Variants in CPXM2 observed in about 807,000 individuals in gnomAD.
CPXM2 encodes carboxypeptidase X, M14 family member 2.
Under a neutral mutation model 86.1 loss-of-function variants are expected in CPXM2, and 66 were observed. The observed-to-expected ratio is 0.77, with a 90% CI of 0.63 to 0.94. The LOEUF is 0.94. Ranked by LOEUF, CPXM2 falls within the 40% of genes least tolerant of loss-of-function variation. The pLI, the probability that CPXM2 is intolerant of heterozygous loss-of-function variation, is 0.00. For missense variants in CPXM2, 948 were observed against 1,026.3 expected (o/e 0.92, Z 1.04); for synonymous variants, 388 against 400.2 (o/e 0.97, Z 0.36).
chr10:123,920,459 A>C (rs929467147), intron 2 of CPXM2, among the ~76,000 whole-genome samples: 15 of 152,230 alleles, frequency 9.9e-5, no homozygotes, highest in African/African-American at 3.4e-4. Flanking sequence ...TCTAATGTTT[A>C]AAAAATCATG....
At chr10:123,897,718 G>T (rs762489602) in intron 2 of CPXM2, among the ~76,000 whole-genome samples, 1 of 152,182 alleles carries the variant, frequency 6.6e-6, no homozygotes, top group South Asian at 2.1e-4. Flanking sequence ...AATGCATGAA[G>T]CCCGAAAGAC....
chr10:123,904,157 G>A (rs1365059165), intron 2 of CPXM2, among the ~76,000 whole-genome samples: 3 of 152,124 alleles, frequency 2.0e-5, no homozygotes, highest in Non-Finnish European at 2.9e-5. Context: ...TTCTATATCA[G>A]CTTAAATGTT....
intron 12 of CPXM2, among the ~76,000 whole-genome samples, chr10:123,756,173 AC>A (rs1290116881): frequency 1.3e-5 from 2 of 152,192 alleles, no homozygotes; most frequent in Non-Finnish European, 2.9e-5. Context: ...TGGAAGGGGA[AC>A]CTTGTGTCCA....
At chr10:123,866,376 C>T (rs552897510) in intron 2 of CPXM2, among the ~76,000 whole-genome samples, 153 of 146,354 alleles carry the variant, frequency 1.0e-3, no homozygotes, top group African/African-American at 3.9e-3. Flanking sequence ...CCAGCCTGGC[C>T]GATATGGTGA....
chr10:123,824,720 T>C (rs1848010735), intron 4 of CPXM2, among the ~76,000 whole-genome samples: 1 of 152,210 alleles, frequency 6.6e-6, no homozygotes, highest in Non-Finnish European at 1.5e-5. Context: ...GTGGTTGTGG[T>C]TCTCTGTAGC....
At chr10:123,788,536 C>T (rs1847124462) in intron 6 of CPXM2, among the ~76,000 whole-genome samples, 1 of 152,162 alleles carries the variant, frequency 6.6e-6, no homozygotes, top group African/African-American at 2.4e-5. Flanking sequence ...TAGCATGAAC[C>T]CTTCACCCTT....
intron 2 of CPXM2, among the ~76,000 whole-genome samples, chr10:123,863,653 G>A (rs375668867): frequency 5.3e-5 from 8 of 152,262 alleles, no homozygotes; most frequent in South Asian, 4.1e-4. Flanking sequence ...ATCCTCACAC[G>A]ACATACTCAG....
intron 6 of CPXM2, among the ~76,000 whole-genome samples, chr10:123,789,214 C>T (rs190860482): frequency 6.4e-4 from 97 of 152,350 alleles, no homozygotes; most frequent in Non-Finnish European, 1.2e-3. Context: ...TGCGGACCCC[C>T]AGGCACAGCC....
At chr10:123,861,339 G>A (rs191583671) in intron 3 of CPXM2, among the ~76,000 whole-genome samples, 3 of 152,286 alleles carry the variant, frequency 2.0e-5, no homozygotes, top group Non-Finnish European at 4.4e-5. Flanking sequence ...CCATTAGAGA[G>A]CCACACAGGA....
In CPXM2 at chr10:123,816,839, A is replaced by G. The variant is rs541200207; in HGVS notation, c.654-17640T>C. On this transcript the variant is annotated intron_variant, in intron 4 of 13. Transcript: ENST00000241305. ...GAGATCTTGATCGCTTTTCACTTCC[A>G]CAAGATATCACATTGATCCATTACA... 5.9e-5 allele frequency among the ~76,000 whole-genome samples: 9 copies of G among 152,332 alleles called. No individual in the cohort carries two copies. The South Asian group carries it at 1.7e-3, about 28-fold the overall frequency.
At chr10:123,845,131 G>C (rs1281171438) in intron 3 of CPXM2, among the ~76,000 whole-genome samples, 1 of 151,036 alleles carries the variant, frequency 6.6e-6, no homozygotes, top group Non-Finnish European at 1.5e-5. Context: ...CAGAGGACCT[G>C]AAATTTTTCT....
At chr10:123,824,715 T>G (rs1848010578) in intron 4 of CPXM2, among the ~76,000 whole-genome samples, 1 of 152,244 alleles carries the variant, frequency 6.6e-6, no homozygotes, top group Admixed American at 6.5e-5. Context: ...CTCCAGTGGT[T>G]GTGGTTCTCT....
intron 4 of CPXM2, among the ~76,000 whole-genome samples, chr10:123,816,833 A>C (rs1347432713): frequency 6.6e-6 from 1 of 152,220 alleles, no homozygotes; most frequent in African/African-American, 2.4e-5. Flanking sequence ...ATCGCTTTTC[A>C]CTTCCACAAG....
chr10:123,926,216 C>T (rs1945620647), intron 2 of CPXM2, among the ~76,000 whole-genome samples: 1 of 152,238 alleles, frequency 6.6e-6, no homozygotes. Flanking sequence ...GGAACAATAA[C>T]CTAATCTTCC....
rs1345403559 is a variant in CPXM2, at chr10:123,757,349, A to G, written c.1781T>C (p.Leu594Pro). Residue 594 changes from leucine (L) to proline (P), a missense_variant, in exon 12 of 14, where the codon CTG (leucine) becomes CCG (proline). Leu to Pro is a moderately conservative substitution (Grantham distance 98, BLOSUM62 -3). Transcript: ENST00000241305. ...TGTATGAAGGTAGCTGAAATCGTTC[A>G]GACCTGCCAAGCCAACCGGACAACA... ...GASWHTVAGS[L>P]NDFSYLHTNC... 2.5e-6 allele frequency: 4 copies of G among 1,612,770 alleles called. No homozygotes were observed. Among genetic ancestry groups the G allele is most frequent in the Non-Finnish European group, 2.5e-6 (3 of 1,178,900 alleles).
intron 3 of CPXM2, among the ~76,000 whole-genome samples, chr10:123,859,030 G>A (rs779555314): frequency 1.3e-5 from 2 of 152,162 alleles, no homozygotes; most frequent in Middle Eastern, 3.2e-3. Context: ...TCAGCAGAGC[G>A]ACCAGCACCA....
chr10:123,813,580 C>T (rs1398973117), intron 4 of CPXM2, among the ~76,000 whole-genome samples: 1 of 152,222 alleles, frequency 6.6e-6, no homozygotes, highest in Non-Finnish European at 1.5e-5. Flanking sequence ...AAAATTAGCA[C>T]TTCTCCATCA....
At chr10:123,781,848 C>T (rs1360943513) in intron 6 of CPXM2, among the ~76,000 whole-genome samples, 1 of 152,186 alleles carries the variant, frequency 6.6e-6, no homozygotes, top group Non-Finnish European at 1.5e-5. Flanking sequence ...CTGAGCCAGC[C>T]CTGTGCCTGC....
intron 6 of CPXM2, among the ~76,000 whole-genome samples, chr10:123,791,378 C>T (rs1232048455): frequency 6.6e-6 from 1 of 152,204 alleles, no homozygotes; most frequent in Non-Finnish European, 1.5e-5. Flanking sequence ...GATCGCTCCA[C>T]TGCACTCCAG....
Sources: allele counts gnomAD v4.1 joint callset (sites outside exome capture counted in the v4.1 genomes callset), GRCh38; gene constraint gnomAD v4.1.1; transcripts MANE v1.5; gene names NCBI Gene and HGNC (gene_info 2026-07-23, HGNC 2026-07-21).